NUP50: variants seen among roughly 807,000 people sequenced by gnomAD.
NUP50 encodes nucleoporin 50, also known as nuclear pore complex protein Nup50.
A neutral mutation model predicts 36.8 loss-of-function variants in NUP50; 14 were observed. That is an observed-to-expected ratio of 0.38 (90% CI 0.25 to 0.59). NUP50 has a LOEUF of 0.59. Ranked by LOEUF, NUP50 falls within the 20% of genes least tolerant of loss-of-function variation. The pLI, the probability that NUP50 is intolerant of heterozygous loss-of-function variation, is 0.63. For missense variants in NUP50, 455 were observed against 564.6 expected (o/e 0.81, Z 1.97); for synonymous variants, 195 against 210.8 (o/e 0.93, Z 0.65).
rs754271578 is a variant in NUP50 at position 45,175,977 on chromosome 22, C to T, written c.237C>T (p.Gly79=). 5 of 1,614,044 alleles carry T rather than the reference C, an allele frequency of 3.1e-6. No individual in the cohort carries two copies. Among genetic ancestry groups the T allele is most frequent in the Non-Finnish European group, 3.4e-6 (4 of 1,180,022 alleles). ...GGGRFSGFGS[G]AGGKPLEGLS... The stretch of plus-strand genomic sequence containing the variant: ...GACGCTTTTCTGGATTTGGTAGTGG[C>T]GCTGGAGGGAAGCCTTTGGAAGGAC... The change falls in exon 4 of 8, where the codon GGC becomes GGT. Residue 79 remains glycine (G), a synonymous_variant. Coordinates refer to ENST00000347635, the MANE Select transcript of NUP50 (RefSeq NM_007172.4).
At chr22:45,170,142 A>G (rs554522979) in intron 2 of NUP50, among the ~76,000 whole-genome samples, 1 of 152,202 alleles carries the variant, frequency 6.6e-6, no homozygotes, top group South Asian at 2.1e-4. Context: ...TGACCTTGTC[A>G]ATCCCCTGGA....
At chr22:45,168,332 G>A in intron 2 of NUP50, 86 bp downstream of exon 2, 2 of 946,600 alleles carry the variant, frequency 2.1e-6, no homozygotes, top group South Asian at 1.5e-5. Context: ...ACTTGTGACA[G>A]AACTAAAAGA....
intron 2 of NUP50, 47 bp from the exon 3 acceptor site, chr22:45,171,553 T>C: frequency 6.7e-7 from 1 of 1,490,684 alleles, no homozygotes; most frequent in Non-Finnish European, 9.4e-7. Context: ...GATTTTGTCA[T>C]CTGTTTGGCT....
At chr22:45,170,066 GCCTT>G (rs1182167456) in intron 2 of NUP50, among the ~76,000 whole-genome samples, 1 of 152,144 alleles carries the variant, frequency 6.6e-6, no homozygotes, top group Non-Finnish European at 1.5e-5. Flanking sequence ...GACGTACGCC[GCCTT>G]CCTTCTCTGC....
intron 7 of NUP50, chr22:45,184,003 T>C (rs376852083): frequency 1.4e-4 from 29 of 201,490 alleles, no homozygotes; most frequent in African/African-American, 6.6e-4. Context: ...GAGGCATTTT[T>C]CTTTCCCGTG....
At chr22:45,169,083 G>C (rs959322734) in intron 2 of NUP50, among the ~76,000 whole-genome samples, 4 of 151,972 alleles carry the variant, frequency 2.6e-5, no homozygotes, top group African/African-American at 9.7e-5. Context: ...TGTATTTTTA[G>C]TAGAGACAGG....
chr22:45,171,114 T>C, intron 2 of NUP50: 2 of 1,279,774 alleles, frequency 1.6e-6, no homozygotes, highest in Non-Finnish European at 2.0e-6. Flanking sequence ...AGCAAGGTCC[T>C]AGGTGCCTCC....
chr22:45,168,107 A>G, intron 1 of NUP50, 61 bp from the exon 2 acceptor site: 1 of 1,306,250 alleles, frequency 7.7e-7, no homozygotes, highest in Non-Finnish European at 1.1e-6. Context: ...TGAATTTTTA[A>G]AATTCTTTAT....
At chr22:45,173,570 G>A (rs918956463) in intron 3 of NUP50, among the ~76,000 whole-genome samples, 6 of 152,130 alleles carry the variant, frequency 3.9e-5, no homozygotes, top group African/African-American at 1.4e-4. Flanking sequence ...TATACAACAG[G>A]AATTATGGCA....
rs1282677716 is a variant in NUP50, at chr22:45,186,156, T to C, written c.*1501T>C. The C allele has an allele frequency of 1.3e-5, 2 of 152,196 alleles. No homozygotes were observed. The highest frequency in any genetic ancestry group is 3.8e-4 in the East Asian group (2 of 5,198). The allele number at this position is 152,196 out of a possible 1,614,324, so 9.4% of individuals were successfully genotyped here. A position where few individuals can be genotyped will look rare whatever the true frequency, so the allele number is the denominator to read the frequency against. On this transcript the variant is annotated 3_prime_UTR_variant, in exon 8 of 8. Coordinates refer to ENST00000347635, the MANE Select transcript of NUP50 (RefSeq NM_007172.4). Reference sequence around the variant, plus strand: ...CATGAGGTTCTTGCTCTACTTCCAGTGTTTTGATTCCACTGGGAGAATTTG... The same window carrying C: ...CATGAGGTTCTTGCTCTACTTCCAGCGTTTTGATTCCACTGGGAGAATTTG...
chr22:45,176,412 T>C (rs944513420), intron 4 of NUP50, among the ~76,000 whole-genome samples: 1 of 152,304 alleles, frequency 6.6e-6, no homozygotes, highest in Admixed American at 6.5e-5. Context: ...GAAAATGCTA[T>C]GTAGACCCTT....
chr22:45,179,642 C>T (rs576082528), intron 5 of NUP50, among the ~76,000 whole-genome samples: 50 of 152,252 alleles, frequency 3.3e-4, no homozygotes, highest in African/African-American at 1.2e-3. Flanking sequence ...CCCAGCACTT[C>T]GGGAGGCCAA....
In NUP50 at chr22:45,171,781, T is replaced by C. The variant is rs1027657395; in HGVS notation, c.153+98T>C. 5 of 946,620 alleles carry C rather than the reference T, an allele frequency of 5.3e-6. No individual in the cohort carries two copies. In the African/African-American group the frequency reaches 6.6e-5, roughly 13 times the overall value. The allele number at this position is 946,620 out of a possible 1,614,324, so 58.6% of individuals were successfully genotyped here. ...GGGAGCAATGATATCAACAAATGCT[T>C]TCTTAAAATACTTATTCTTTGATGT... On this transcript the variant is annotated intron_variant, in intron 3 of 7. Transcript: ENST00000347635.
At position 45,175,895 on chromosome 22, in the gene NUP50, C is replaced by A; in HGVS notation, c.155C>A (p.Ser52Tyr). The A allele has an allele frequency of 6.2e-7, 1 of 1,613,994 alleles. No homozygotes were observed. The highest frequency in any genetic ancestry group is 1.1e-5 in the South Asian group (1 of 91,058). The change falls in exon 4 of 8, where the codon TCT becomes TAT. Residue 52 changes from serine to tyrosine, a missense_variant and splice_region_variant. Ser to Tyr is a moderately radical substitution (Grantham distance 144). This residue lies in a region of NUP50 where 166 missense variants were observed against 202.8 expected (regional missense o/e 0.82). Transcript: ENST00000347635. ...GTGTGCTCCTCCTTCATACTTCAGT[C>A]TGACACTGGAGGAGCCTTTAAAGGT... ...KAKRRNVGFESDTGGAFKGFK... is the reference protein window; with the variant it reads ...KAKRRNVGFEYDTGGAFKGFK...
At chr22:45,182,414 C>T (rs1297672186) in intron 6 of NUP50, among the ~76,000 whole-genome samples, 1 of 152,074 alleles carries the variant, frequency 6.6e-6, no homozygotes, top group African/African-American at 2.4e-5. Context: ...TGCACTCCAG[C>T]CTGGGCCACA....
rs975958350 is a variant in NUP50, at chr22:45,164,025, A to T, written c.-282A>T. The T allele has an allele frequency of 2.6e-5, 4 of 152,114 alleles. No individual in the cohort carries two copies. Among genetic ancestry groups the T allele is most frequent in the Non-Finnish European group, 5.9e-5 (4 of 68,032 alleles). 9.4% of individuals were successfully genotyped at this position (152,114 alleles called of 1,614,324 possible). A position where few individuals can be genotyped will look rare whatever the true frequency, so the allele number is the denominator to read the frequency against. On this transcript the variant is annotated 5_prime_UTR_variant, in exon 1 of 8. Coordinates refer to ENST00000347635, the MANE Select transcript of NUP50 (RefSeq NM_007172.4). ...TTCGAGTTACAAAATGGCCGCCCGG[A>T]GCGTGTTCGGCGCGGTTCCCCCAGC... is the stretch of plus-strand genomic sequence containing the variant.
At chr22:45,181,871 C>T (rs1377587757) in intron 6 of NUP50, among the ~76,000 whole-genome samples, 1 of 152,168 alleles carries the variant, frequency 6.6e-6, no homozygotes, top group Non-Finnish European at 1.5e-5. Flanking sequence ...CTTTCATCTT[C>T]CTTTCAATTA....
Position 45,178,588 on chromosome 22 carries a change from C to T in NUP50, c.691C>T (p.Gln231Ter), listed in dbSNP as rs2074314815. The change falls in exon 5 of 8, where the codon CAG (glutamine) becomes TAG (stop). Residue 231 changes from glutamine (Q) to a stop codon, truncating the protein, a stop_gained. Coordinates refer to ENST00000347635, the MANE Select transcript of NUP50 (RefSeq NM_007172.4). LOFTEE classifies it high-confidence loss of function. Reference protein sequence around the residue: ...SPSLFGSTKLQQESTFLFHGN... With the variant: ...SPSLFGSTKL Reference sequence around the variant, plus strand: ...TTCCCTTTTTGGCTCAACAAAATTACAGCAAGAGTCAACGTTTTTGTTTCA... The same window carrying T: ...TTCCCTTTTTGGCTCAACAAAATTATAGCAAGAGTCAACGTTTTTGTTTCA... 1 of 1,611,906 alleles carries T rather than the reference C, an allele frequency of 6.2e-7. No individual in the cohort carries two copies. Among genetic ancestry groups the T allele is most frequent in the African/African-American group, 1.3e-5 (1 of 74,864 alleles).
rs1230955282 is a variant in NUP50, at chr22:45,186,178, T to C, written c.*1523T>C. 1 of 152,190 alleles carries C rather than the reference T, an allele frequency of 6.6e-6. No homozygotes were observed. The highest frequency in any genetic ancestry group is 1.9e-4 in the East Asian group (1 of 5,206). The allele number at this position is 152,190 out of a possible 1,614,324, so 9.4% of individuals were successfully genotyped here. A position where few individuals can be genotyped will look rare whatever the true frequency, so the allele number is the denominator to read the frequency against. On this transcript the variant is annotated 3_prime_UTR_variant, in exon 8 of 8. Transcript: ENST00000347635. The stretch of plus-strand genomic sequence containing the variant: ...CAGTGTTTTGATTCCACTGGGAGAA[T>C]TTGGCCTAGTGTGTGGCTTTGGATG...
Sources: allele counts gnomAD v4.1 joint callset (sites outside exome capture counted in the v4.1 genomes callset), GRCh38; gene constraint gnomAD v4.1.1; regional missense constraint gnomAD v4.1.1; transcripts MANE v1.5; gene names NCBI Gene and HGNC (gene_info 2026-07-23, HGNC 2026-07-21).